Variants in NEGR1 observed in about 807,000 individuals in gnomAD.
NEGR1 encodes the protein neuronal growth regulator 1, also known as IgLON family member 4.
In NEGR1, 10 loss-of-function variants were observed where a neutral mutation model predicts 40.9. That is an observed-to-expected ratio of 0.24 (90% CI 0.15 to 0.42). The LOEUF (loss-of-function observed/expected upper bound fraction) is 0.42. Among genes scored for constraint, NEGR1 ranks in the 10% least tolerant of loss-of-function variants. The pLI is 1.00. For synonymous variants in NEGR1, 185 were observed against 166.8 expected, an observed-to-expected ratio of 1.11 and a Z score of -0.84; for missense variants, 352 against 438.9, an observed-to-expected ratio of 0.80 and a Z score of 1.77.
chr1:72,237,831 C>G (rs901445505), intron 1 of NEGR1, among the ~76,000 whole-genome samples: 1 of 151,926 alleles, frequency 6.6e-6, no homozygotes, highest in African/African-American at 2.4e-5. Flanking sequence ...ATAAACTAGT[C>G]ACATGGCCTT....
chr1:71,503,941 T>C (rs746175745), intron 6 of NEGR1, among the ~76,000 whole-genome samples: 1 of 150,898 alleles, frequency 6.6e-6, no homozygotes, highest in African/African-American at 2.4e-5. Flanking sequence ...AATGGGATAA[T>C]AGTGATCCCA....
intron 1 of NEGR1, among the ~76,000 whole-genome samples, chr1:71,985,038 C>T (rs1167457037): frequency 6.6e-6 from 1 of 152,228 alleles, no homozygotes; most frequent in Non-Finnish European, 1.5e-5. Flanking sequence ...TAATCATCCA[C>T]GATTACCCAG....
At chr1:71,859,001 C>T (rs1214941877) in intron 2 of NEGR1, among the ~76,000 whole-genome samples, 1 of 151,992 alleles carries the variant, frequency 6.6e-6, no homozygotes, top group Non-Finnish European at 1.5e-5. Context: ...GGCTTTGTTC[C>T]CCATTGGTGT....
intron 6 of NEGR1, among the ~76,000 whole-genome samples, chr1:71,543,535 G>A (rs1166622662): frequency 6.6e-6 from 1 of 151,680 alleles, no homozygotes; most frequent in Non-Finnish European, 1.5e-5. Context: ...GTTACAAAAT[G>A]ATTCCTTATC....
At chr1:72,219,371 A>G (rs549438058) in intron 1 of NEGR1, among the ~76,000 whole-genome samples, 1 of 152,178 alleles carries the variant, frequency 6.6e-6, no homozygotes, top group South Asian at 2.1e-4. Context: ...CACATTATGC[A>G]ATGTTTTGAA....
chr1:71,948,206 G>A (rs1401407814), intron 1 of NEGR1, among the ~76,000 whole-genome samples: 7 of 151,920 alleles, frequency 4.6e-5, no homozygotes, highest in East Asian at 1.9e-4. Context: ...ATGGATCAGC[G>A]AATTAAAATA....
intron 3 of NEGR1, among the ~76,000 whole-genome samples, chr1:71,717,390 T>A (rs1654312277): frequency 6.6e-6 from 1 of 152,214 alleles, no homozygotes; most frequent in Admixed American, 6.5e-5. Flanking sequence ...ATTCTTTTGT[T>A]CTTAGTATTA....
At chr1:71,635,390 TAGGAG>T (rs1446762107) in intron 4 of NEGR1, among the ~76,000 whole-genome samples, 1 of 151,962 alleles carries the variant, frequency 6.6e-6, no homozygotes, top group African/African-American at 2.4e-5. Context: ...CCAGAAAGGA[TAGGAG>T]AGAAGAGTCA....
chr1:71,433,358 A>G (rs932355769), intron 6 of NEGR1, among the ~76,000 whole-genome samples: 1 of 152,196 alleles, frequency 6.6e-6, no homozygotes, highest in African/African-American at 2.4e-5. Flanking sequence ...TTTTTAAGGA[A>G]TCTTCAAACT....
intron 6 of NEGR1, among the ~76,000 whole-genome samples, chr1:71,505,081 GA>G (rs1647023200): frequency 6.6e-6 from 1 of 151,990 alleles, no homozygotes; most frequent in South Asian, 2.1e-4. Flanking sequence ...CTATTAAAGG[GA>G]AAAAAGGTCT....
chr1:72,228,768 G>A (rs527487725), intron 1 of NEGR1, among the ~76,000 whole-genome samples: 1 of 152,102 alleles, frequency 6.6e-6, no homozygotes, highest in East Asian at 1.9e-4. Context: ...ACTTCTTTGA[G>A]GAAAATGAAA....
chr1:71,521,434 A>G (rs1557553657), intron 6 of NEGR1, among the ~76,000 whole-genome samples: 1 of 152,004 alleles, frequency 6.6e-6, no homozygotes, highest in African/African-American at 2.4e-5. Flanking sequence ...TTTTTCATCA[A>G]TGTTTCTGAA....
intron 6 of NEGR1, among the ~76,000 whole-genome samples, chr1:71,557,191 T>C (rs1648280269): frequency 6.6e-6 from 1 of 151,608 alleles, no homozygotes; most frequent in African/African-American, 2.4e-5. Context: ...CACAAATGCC[T>C]TTGGTTGGTA....
chr1:72,057,575 A>G (rs1647123224), intron 1 of NEGR1, among the ~76,000 whole-genome samples: 1 of 151,392 alleles, frequency 6.6e-6, no homozygotes, highest in Non-Finnish European at 1.5e-5. Flanking sequence ...AGCATGAGAC[A>G]TCTTTCTCAG....
intron 4 of NEGR1, among the ~76,000 whole-genome samples, chr1:71,638,163 A>G (rs1437369011): frequency 2.0e-5 from 3 of 151,990 alleles, no homozygotes; most frequent in African/African-American, 2.4e-5. Context: ...TCTCTGCTCA[A>G]TTAATCTTAG....
chr1:72,041,496 T>A (rs1479048274), intron 1 of NEGR1, among the ~76,000 whole-genome samples: 5 of 150,918 alleles, frequency 3.3e-5, no homozygotes, highest in Middle Eastern at 3.2e-3. Flanking sequence ...CTGTCTTGAA[T>A]TGTTTGTGTA....
chr1:71,449,995 T>G (rs1189454210), intron 6 of NEGR1, among the ~76,000 whole-genome samples: 1 of 146,034 alleles, frequency 6.8e-6, no homozygotes, highest in Non-Finnish European at 1.5e-5. Context: ...TATATAGATT[T>G]TTTTTTTTTT....
At chr1:71,616,655 T>G (rs1458272620) in intron 4 of NEGR1, among the ~76,000 whole-genome samples, 2 of 152,180 alleles carry the variant, frequency 1.3e-5, no homozygotes, top group African/African-American at 2.4e-5. Context: ...AGTCAGAATC[T>G]GACACTTTAG....
chr1:71,456,387 A>C (rs2101336844), intron 6 of NEGR1, among the ~76,000 whole-genome samples: 1 of 152,290 alleles, frequency 6.6e-6, no homozygotes, highest in East Asian at 1.9e-4. Context: ...GGATTGCAAC[A>C]ATGAACCATC....
Sources: allele counts gnomAD v4.1 joint callset (sites outside exome capture counted in the v4.1 genomes callset), GRCh38; gene constraint gnomAD v4.1.1; transcripts MANE v1.5; gene names NCBI Gene and HGNC (gene_info 2026-07-23, HGNC 2026-07-21).